The following PCSK1 variants were observed in gnomAD, a reference collection of about 807,000 sequenced individuals.
PCSK1 encodes the protein proprotein convertase subtilisin/kexin type 1, also known as neuroendocrine convertase 1.
A neutral mutation model predicts 90.6 loss-of-function variants in PCSK1; 56 were observed. The observed-to-expected ratio is 0.62, with a 90% CI of 0.50 to 0.77. The LOEUF is 0.77. Ranked by LOEUF, PCSK1 falls within the 30% of genes least tolerant of loss-of-function variation. The pLI, the probability that PCSK1 is intolerant of heterozygous loss-of-function variation, is 0.00. For synonymous variants in PCSK1, 348 were observed against 342.4 expected (o/e 1.02, Z -0.18); for missense variants, 801 against 932.6 (o/e 0.86, Z 1.84).
At chr5:96,426,835 A>G (rs1439266806) in intron 2 of PCSK1, among the ~76,000 whole-genome samples, 3 of 152,216 alleles carry the variant, frequency 2.0e-5, no homozygotes, top group African/African-American at 7.2e-5. Context: ...ATAATTTGCA[A>G]CTGAAGGATA....
At chr5:96,413,082 G>T in intron 6 of PCSK1, 1 of 383,218 alleles carries the variant, frequency 2.6e-6, no homozygotes, top group Non-Finnish European at 3.6e-6. Flanking sequence ...AATAGGGAAA[G>T]CACTTTTGTT....
At chr5:96,401,036 A>G (rs974164273) in intron 9 of PCSK1, among the ~76,000 whole-genome samples, 9 of 142,514 alleles carry the variant, frequency 6.3e-5, no homozygotes, top group East Asian at 2.2e-4. Flanking sequence ...GCAGTGAGCC[A>G]AGATTGTGCC....
Position 96,423,856 on chromosome 5 carries a change from C to T in PCSK1, c.397-397G>A, listed in dbSNP as rs3811945. ...CCTGATTCTCCATTGCCACATTGAG[C>T]TCTCATTATATTGCCTGGTGCATAG... On this transcript the variant is annotated intron_variant, in intron 3 of 13. Transcript: ENST00000311106. Among the ~76,000 whole-genome samples the T allele has an allele frequency of 7.0e-4, 107 of 152,234 alleles. No homozygotes were observed. The East Asian group carries it at 0.02, about 28-fold the overall frequency.
At chr5:96,399,144 G>A in intron 10 of PCSK1, 108 bp from the exon 11 acceptor site, 5 of 783,490 alleles carry the variant, frequency 6.4e-6, no homozygotes, top group Non-Finnish European at 8.7e-6. Flanking sequence ...TAAGCTTTTT[G>A]TCACTCCCTG....
intron 9 of PCSK1, among the ~76,000 whole-genome samples, chr5:96,402,533 G>A (rs936118430): frequency 1.3e-5 from 2 of 151,964 alleles, no homozygotes; most frequent in African/African-American, 2.4e-5. Context: ...GTCCCTCCCC[G>A]CCTCACACCT....
In PCSK1 at chr5:96,424,377, A is replaced by G. The variant is rs149532460; in HGVS notation, c.397-918T>C. On this transcript the variant is annotated intron_variant, in intron 3 of 13. Coordinates refer to ENST00000311106, the MANE Select transcript of PCSK1 (RefSeq NM_000439.5). The stretch of plus-strand genomic sequence containing the variant: ...GCCAAAGTCAGAGAAGAAGGCCTCT[A>G]TGTCAGTTGCAGGAACAATTTTAGA... Among the ~76,000 whole-genome samples the G allele has an allele frequency of 4.0e-3, 609 of 152,290 alleles. 3 individuals are homozygous for G. The highest frequency in any genetic ancestry group is 0.014 in the African/African-American group (588 of 41,554).
intron 5 of PCSK1, among the ~76,000 whole-genome samples, chr5:96,416,449 G>A (rs1760941277): frequency 6.6e-6 from 1 of 152,234 alleles, no homozygotes; most frequent in Non-Finnish European, 1.5e-5. Context: ...TAAGAACACA[G>A]TGAGTGTTAA....
At chr5:96,405,082 G>C (rs1173847639) in intron 9 of PCSK1, among the ~76,000 whole-genome samples, 1 of 152,202 alleles carries the variant, frequency 6.6e-6, no homozygotes, top group East Asian at 1.9e-4. Flanking sequence ...TTCAGCTTTG[G>C]TATAGACAAT....
rs151085748 is a variant in PCSK1, at chr5:96,429,350, C to A, written c.181-33G>T. On this transcript the variant is annotated intron_variant, in intron 1 of 13. Coordinates refer to ENST00000311106, the MANE Select transcript of PCSK1 (RefSeq NM_000439.5). ...AGGAAAGAAATAAAATAAATATCCACGTTCCCAAACAAGTATATATGGACT... is the reference window on the plus strand; with the variant it reads ...AGGAAAGAAATAAAATAAATATCCAAGTTCCCAAACAAGTATATATGGACT... 2,251 of 1,207,472 alleles carry A rather than the reference C, an allele frequency of 1.9e-3. 39 individuals are homozygous for A. The African/African-American group carries it at 0.029, about 16-fold the overall frequency. 74.8% of individuals were successfully genotyped at this position (1,207,472 alleles called of 1,614,324 possible).
At chr5:96,422,534 C>T (rs1394999110) in intron 4 of PCSK1, among the ~76,000 whole-genome samples, 1 of 152,204 alleles carries the variant, frequency 6.6e-6, no homozygotes, top group Non-Finnish European at 1.5e-5. Context: ...ACTTAAACGC[C>T]TCCCGCATAC....
At chr5:96,424,043 T>C (rs1011537620) in intron 3 of PCSK1, among the ~76,000 whole-genome samples, 3 of 152,158 alleles carry the variant, frequency 2.0e-5, no homozygotes, top group Non-Finnish European at 4.4e-5. Flanking sequence ...GGGTTTTCCT[T>C]TTAAAATACA....
In PCSK1 at chr5:96,393,482, G is replaced by A. The variant is rs1760027405; in HGVS notation, c.1885-104C>T. 9.1e-6 allele frequency: 12 copies of A among 1,322,618 alleles called. No individual in the cohort carries two copies. The South Asian group carries it at 9.9e-5, about 11-fold the overall frequency. 81.9% of individuals were successfully genotyped at this position (1,322,618 alleles called of 1,614,324 possible). ...AGGAACGCTGCCTGCCGCTTGAGAG[G>A]CAATGAGGGGAGGGGAGAGAGTTCA... On this transcript the variant is annotated intron_variant, in intron 13 of 13. Transcript: ENST00000311106.
chr5:96,418,375 C>T (rs1761001569), intron 5 of PCSK1, among the ~76,000 whole-genome samples: 1 of 152,142 alleles, frequency 6.6e-6, no homozygotes, highest in Admixed American at 6.5e-5. Context: ...AAATACTACC[C>T]TTATTCTGGT....
chr5:96,394,972 G>T lies in PCSK1; in HGVS notation c.1776C>A (p.His592Gln). The T allele has an allele frequency of 6.2e-7, 1 of 1,613,802 alleles. No homozygotes were observed. Among genetic ancestry groups the T allele is most frequent in the Non-Finnish European group, 8.5e-7 (1 of 1,179,680 alleles). ...TATGCTCTGGCTGAGAAGAGGTCCCGTGCAAAATCAGCTTCCAGTTCACAA... is the reference window on the plus strand; with the variant it reads ...TATGCTCTGGCTGAGAAGAGGTCCCTTGCAAAATCAGCTTCCAGTTCACAA... ...GRIVNWKLIL[H>Q]GTSSQPEHMK... The change falls in exon 13 of 14, where the codon CAC becomes CAA. Residue 592 changes from histidine to glutamine, a missense_variant. By Grantham distance (24) the His-to-Gln change is conservative. Coordinates refer to ENST00000311106, the MANE Select transcript of PCSK1 (RefSeq NM_000439.5).
Position 96,408,214 on chromosome 5 carries a change from G to T in PCSK1, c.1196+9C>A. 6.2e-7 allele frequency: 1 copy of T among 1,601,324 alleles called. No homozygotes were observed. The highest frequency in any genetic ancestry group is 8.6e-7 in the Non-Finnish European group (1 of 1,168,424). On this transcript the variant is annotated intron_variant, in intron 9 of 13. Transcript: ENST00000311106. ...TTGTAAAGGTGATTAGAAGCTTTCT[G>T]GGCCTTACTTTGCTTCCAGGGCCAG...
chr5:96,417,967 C>T (rs2112432058), intron 5 of PCSK1, among the ~76,000 whole-genome samples: 1 of 152,324 alleles, frequency 6.6e-6, no homozygotes, highest in South Asian at 2.1e-4. Context: ...AGGCTCAGGT[C>T]AGCAAAAGAA....
Position 96,433,083 on chromosome 5 carries a change from G to GA in PCSK1, c.-42dup. The GA allele has an allele frequency of 1.3e-6, 2 of 1,592,304 alleles. No homozygotes were observed. The highest frequency in any genetic ancestry group is 1.7e-6 in the Non-Finnish European group (2 of 1,160,380). ...TTGAACAAGAGTGGGAAGGGAAGAG[G>GA]AAAAAGAAGCAAGATAGGAGAAAAG... On this transcript the variant is annotated 5_prime_UTR_variant, in exon 1 of 14. Coordinates refer to ENST00000311106, the MANE Select transcript of PCSK1 (RefSeq NM_000439.5).
chr5:96,400,613 T>C (rs1044282534), intron 9 of PCSK1, among the ~76,000 whole-genome samples: 3 of 152,228 alleles, frequency 2.0e-5, no homozygotes, highest in Admixed American at 6.5e-5. Context: ...AGGCCTTGAC[T>C]TCCTTCTTAG....
Position 96,394,906 on chromosome 5 carries a change from C to G in PCSK1, c.1842G>C (p.Gln614His), listed in dbSNP as rs1760078457. 1 of 1,614,148 alleles carries G rather than the reference C, an allele frequency of 6.2e-7. No individual in the cohort carries two copies. Among genetic ancestry groups the G allele is most frequent in the Non-Finnish European group, 8.5e-7 (1 of 1,180,002 alleles). ...TCTTCTCCACCCCTCTTCTGTCATT[C>G]TGAACAGTGTTGTAGGACGTGTACA... ...PRVYTSYNTV[Q>H]NDRRGVEKMV... The change falls in exon 13 of 14, where the codon CAG (glutamine) becomes CAC (histidine). Residue 614 changes from glutamine to histidine, a missense_variant. Transcript: ENST00000311106.
Sources: allele counts gnomAD v4.1 joint callset (sites outside exome capture counted in the v4.1 genomes callset), GRCh38; gene constraint gnomAD v4.1.1; transcripts MANE v1.5; gene names NCBI Gene and HGNC (gene_info 2026-07-23, HGNC 2026-07-21).